RAB3GAP1: variants seen among roughly 807,000 people sequenced by gnomAD.
RAB3GAP1 encodes RAB3 GTPase activating protein catalytic subunit 1.
A neutral mutation model predicts 130.7 loss-of-function variants in RAB3GAP1; 86 were observed. That is an observed-to-expected ratio of 0.66 (90% CI 0.55 to 0.79). The LOEUF (loss-of-function observed/expected upper bound fraction) is 0.79. Ranked by LOEUF, RAB3GAP1 falls within the 30% of genes least tolerant of loss-of-function variation. The pLI is 0.00. For missense variants in RAB3GAP1, 1,029 were observed against 1,169.4 expected (o/e 0.88, Z 1.75); for synonymous variants, 367 against 401.7 (o/e 0.91, Z 1.03).
At chr2:135,060,853 A>G (rs944501832) in intron 3 of RAB3GAP1, among the ~76,000 whole-genome samples, 32 of 151,986 alleles carry the variant, frequency 2.1e-4, no homozygotes. Flanking sequence ...CGACAGGCAT[A>G]TGCCACCTTG....
intron 5 of RAB3GAP1, among the ~76,000 whole-genome samples, chr2:135,108,436 G>A (rs2104905187): frequency 6.6e-6 from 1 of 151,660 alleles, no homozygotes; most frequent in Non-Finnish European, 1.5e-5. Flanking sequence ...GATTACATGT[G>A]ATATGGAACA....
At position 135,113,157 on chromosome 2, in the gene RAB3GAP1, G is replaced by A. The variant is rs1188257469; in HGVS notation, c.369G>A (p.Gly123=). 6.2e-7 allele frequency: 1 copy of A among 1,614,116 alleles called. No homozygotes were observed. Among genetic ancestry groups the A allele is most frequent in the East Asian group, 2.2e-5 (1 of 44,884 alleles). ...PRAHCLVRWY[G]LREFVVIAPA... is the part of the protein sequence containing the mutation. ...AGTTAATTCTTTTTTTAAGGTATGG[G>A]CTACGTGAGTTCGTGGTGATTGCCC... Residue 123 remains glycine, a synonymous_variant, in exon 6 of 24, where the codon GGG becomes GGA. Coordinates refer to ENST00000264158, the MANE Select transcript of RAB3GAP1 (RefSeq NM_012233.3).
At chr2:135,059,168 C>T (rs952975060) in intron 3 of RAB3GAP1, 1 of 152,116 alleles carries the variant, frequency 6.6e-6, no homozygotes, top group South Asian at 2.1e-4. Context: ...TACTACACTA[C>T]ATGTGTGAAT....
intron 5 of RAB3GAP1, among the ~76,000 whole-genome samples, chr2:135,098,110 T>A (rs947772157): frequency 4.6e-5 from 7 of 152,214 alleles, no homozygotes; most frequent in African/African-American, 1.4e-4. Context: ...ATTTTGAACA[T>A]CTTTCGTGTG....
intron 17 of RAB3GAP1, 78 bp from the exon 18 acceptor site, chr2:135,150,291 T>C: frequency 6.5e-7 from 1 of 1,544,774 alleles, no homozygotes; most frequent in Non-Finnish European, 8.9e-7. Context: ...GAAATGACTG[T>C]TGTCTTTATT....
intron 5 of RAB3GAP1, among the ~76,000 whole-genome samples, chr2:135,103,376 G>A (rs1383703695): frequency 6.6e-6 from 1 of 151,998 alleles, no homozygotes; most frequent in Admixed American, 6.6e-5. Flanking sequence ...CCTGGTAATA[G>A]AGATACATGT....
In RAB3GAP1 at chr2:135,133,774, T is replaced by C. The variant is rs1191170885; in HGVS notation, c.1327-87T>C. 3.3e-6 allele frequency: 4 copies of C among 1,199,726 alleles called. No individual in the cohort carries two copies. The African/African-American group carries it at 4.5e-5, about 13-fold the overall frequency. 74.3% of individuals were successfully genotyped at this position (1,199,726 alleles called of 1,614,324 possible). A position where few individuals can be genotyped will look rare whatever the true frequency, so the allele number is the denominator to read the frequency against. ...TAGGTGGGATAGGTTAATTTTACAA[T>C]TAAAATCTCTCCCTACGACCTTTTC... On this transcript the variant is annotated intron_variant, in intron 14 of 23. Transcript: ENST00000264158.
chr2:135,061,686 A>G (rs1558757583), intron 3 of RAB3GAP1, among the ~76,000 whole-genome samples: 1 of 151,448 alleles, frequency 6.6e-6, no homozygotes, highest in Middle Eastern at 3.4e-3. Context: ...TTTTTTTGGT[A>G]TATATATATT....
At chr2:135,077,453 A>T (rs1689663410) in intron 3 of RAB3GAP1, among the ~76,000 whole-genome samples, 1 of 152,140 alleles carries the variant, frequency 6.6e-6, no homozygotes, top group Non-Finnish European at 1.5e-5. Context: ...GCATTTTGGG[A>T]GGCCCAGGCA....
chr2:135,093,557 A>C, intron 4 of RAB3GAP1, 58 bp from the exon 5 acceptor site: 5 of 1,312,158 alleles, frequency 3.8e-6, no homozygotes, highest in Non-Finnish European at 5.5e-6. Context: ...AAAGCATGTT[A>C]TAAAACTCTG....
At chr2:135,129,922 TGTAC>T in intron 11 of RAB3GAP1, 69 bp from the exon 12 acceptor site, 1 of 949,446 alleles carries the variant, frequency 1.1e-6, no homozygotes, top group South Asian at 1.4e-5. Context: ...TGTGGAAAGA[TGTAC>T]TTTAATTTAT....
intron 2 of RAB3GAP1, among the ~76,000 whole-genome samples, chr2:135,055,499 G>A (rs1011526625): frequency 1.4e-4 from 21 of 152,146 alleles, no homozygotes; most frequent in African/African-American, 4.8e-4. Flanking sequence ...GCAGCATGGC[G>A]AAACCTTGTC....
At chr2:135,122,577 G>A (rs1232033519) in intron 8 of RAB3GAP1, among the ~76,000 whole-genome samples, 3 of 152,164 alleles carry the variant, frequency 2.0e-5, no homozygotes, top group South Asian at 2.1e-4. Flanking sequence ...TAGATTGAAA[G>A]CCATATAAAT....
chr2:135,116,597 A>T (rs2104918611), intron 7 of RAB3GAP1, among the ~76,000 whole-genome samples: 1 of 152,338 alleles, frequency 6.6e-6, no homozygotes, highest in Non-Finnish European at 1.5e-5. Flanking sequence ...TATGGACTGT[A>T]TATTAGAAAA....
intron 3 of RAB3GAP1, among the ~76,000 whole-genome samples, chr2:135,084,609 A>G (rs1158995431): frequency 6.6e-6 from 1 of 152,092 alleles, no homozygotes; most frequent in Non-Finnish European, 1.5e-5. Flanking sequence ...CAGTGTATAT[A>G]TTACTGAAAT....
Position 135,106,514 on chromosome 2 carries a change from C to T in RAB3GAP1, c.363-6637C>T, listed in dbSNP as rs539373714. On this transcript the variant is annotated intron_variant, in intron 5 of 23. Coordinates refer to ENST00000264158, the MANE Select transcript of RAB3GAP1 (RefSeq NM_012233.3). Reference sequence around the variant, plus strand: ...CACTCAGGGTTAAATGGATTAAGGGCGGTGCAAGATGTGCTTTGTTTAACA... The same window carrying T: ...CACTCAGGGTTAAATGGATTAAGGGTGGTGCAAGATGTGCTTTGTTTAACA... Among the ~76,000 whole-genome samples, 141 of 152,196 alleles carry T rather than the reference C, an allele frequency of 9.3e-4. 1 individual carries two copies. The highest frequency in any genetic ancestry group is 3.2e-3 in the African/African-American group (134 of 41,542).
chr2:135,071,427 A>G (rs6720212), intron 3 of RAB3GAP1, among the ~76,000 whole-genome samples: 9,046 of 152,194 alleles, frequency 0.059, 514 homozygotes, highest in African/African-American at 0.15. Context: ...ATAGTCACAG[A>G]AACTTCTTTT....
In RAB3GAP1 at chr2:135,115,264, T is replaced by C. The variant is rs746451198; in HGVS notation, c.531T>C (p.Tyr177=). 3 of 1,613,094 alleles carry C rather than the reference T, an allele frequency of 1.9e-6. No individual in the cohort carries two copies. The highest frequency in any genetic ancestry group is 1.7e-5 in the Admixed American group (1 of 60,024). ...VQIHHKWRRM[Y]VGECQGPGVR... is the part of the protein sequence containing the mutation. Reference sequence around the variant, plus strand: ...TTCACCACAAATGGCGAAGAATGTATGTAGGAGAATGTCAAGGTCCTGGTG... The same window carrying C: ...TTCACCACAAATGGCGAAGAATGTACGTAGGAGAATGTCAAGGTCCTGGTG... The change falls in exon 7 of 24, where the codon TAT becomes TAC. Residue 177 remains tyrosine, a synonymous_variant. Transcript: ENST00000264158.
chr2:135,096,341 TTTC>T (rs1474830946), intron 5 of RAB3GAP1, among the ~76,000 whole-genome samples: 9 of 152,218 alleles, frequency 5.9e-5, no homozygotes, highest in African/African-American at 1.2e-4. Context: ...TGTTTATCTT[TTTC>T]TTCATTTCAT....
Sources: allele counts gnomAD v4.1 joint callset (sites outside exome capture counted in the v4.1 genomes callset), GRCh38; gene constraint gnomAD v4.1.1; transcripts MANE v1.5; gene names NCBI Gene and HGNC (gene_info 2026-07-23, HGNC 2026-07-21).